The following FBXO31 variants were observed in gnomAD, a reference collection of about 807,000 sequenced individuals.
The protein encoded by FBXO31 is F-box protein 31.
Under a neutral mutation model 54.4 loss-of-function variants are expected in FBXO31, and 24 were observed. The observed-to-expected ratio is 0.44, with a 90% CI of 0.32 to 0.62. The LOEUF (loss-of-function observed/expected upper bound fraction) is 0.62. Among genes scored for constraint, FBXO31 ranks in the 20% least tolerant of loss-of-function variants. The pLI is 0.05. For missense variants in FBXO31, 665 were observed against 787.1 expected (o/e 0.84, Z 1.86); for synonymous variants, 388 against 335.6 (o/e 1.16, Z -1.71).
At chr16:87,386,358 G>C (rs761206441), upstream of FBXO31, among the ~76,000 whole-genome samples, 1 of 152,242 alleles carries the variant, frequency 6.6e-6, no homozygotes, top group Non-Finnish European at 1.5e-5. Flanking sequence ...GCCAACTCAG[G>C]CTTCAGTGAG....
At chr16:87,340,116 C>A (rs1905146110) in intron 5 of FBXO31, among the ~76,000 whole-genome samples, 2 of 152,190 alleles carry the variant, frequency 1.3e-5, no homozygotes, top group African/African-American at 4.8e-5. Flanking sequence ...AAACCTGTCT[C>A]CGCTAAAAAT....
Position 87,332,612 on chromosome 16 carries a change from GC to G in FBXO31, c.1398-1103del, listed in dbSNP as rs200053614. ...TTATCATACATGGAACATGAAGAAA[GC>G]CCCGCCCAGACATCCAAACCCCCTC... is the stretch of plus-strand genomic sequence containing the variant. On this transcript the variant is annotated intron_variant, in intron 8 of 8. Coordinates refer to ENST00000311635, the MANE Select transcript of FBXO31 (RefSeq NM_024735.5). Among the ~76,000 whole-genome samples, 506 of 144,320 alleles carry G rather than the reference GC, an allele frequency of 3.5e-3. 2 individuals are homozygous for G. Among genetic ancestry groups the G allele is most frequent in the African/African-American group, 0.012 (485 of 38,846 alleles). 94.7% of individuals were successfully genotyped at this position (144,320 alleles called of 152,430 possible).
chr16:87,342,804 T>A, intron 5 of FBXO31, 73 bp downstream of exon 5: 1 of 1,319,098 alleles, frequency 7.6e-7, no homozygotes. Context: ...CTCTCCCGCA[T>A]GGGTCTGTAC....
chr16:87,363,668 T>C (rs1276349164), intron 1 of FBXO31, among the ~76,000 whole-genome samples: 5 of 152,134 alleles, frequency 3.3e-5, no homozygotes, highest in Admixed American at 3.3e-4. Flanking sequence ...TCTTGCTACA[T>C]GGTTAAGTGC....
chr16:87,347,616 C>T (rs1028543198), intron 2 of FBXO31, among the ~76,000 whole-genome samples: 1 of 144,040 alleles, frequency 6.9e-6, no homozygotes, highest in Non-Finnish European at 1.5e-5. Context: ...GGAGGTGGAG[C>T]TTGCAGTGAG....
At chr16:87,334,313 G>A in intron 7 of FBXO31, 27 bp from the exon 8 acceptor site, 1 of 1,540,538 alleles carries the variant, frequency 6.5e-7, no homozygotes, top group Non-Finnish European at 8.8e-7. Flanking sequence ...AGTCAGCAGG[G>A]CTCAGGCCAG....
At chr16:87,343,905 G>A (rs1597363052) in intron 3 of FBXO31, 140 bp from the exon 4 acceptor site, 20 of 818,036 alleles carry the variant, frequency 2.4e-5, no homozygotes, top group East Asian at 1.1e-4. Context: ...CACCCTCGAG[G>A]TGCCTCGAAT....
At chr16:87,363,427 C>G (rs1386964956) in intron 1 of FBXO31, among the ~76,000 whole-genome samples, 1 of 152,160 alleles carries the variant, frequency 6.6e-6, no homozygotes, top group East Asian at 1.9e-4. Context: ...GGCTCATCTC[C>G]TTTGCCTCAC....
At chr16:87,374,193 G>A (rs971965115) in intron 1 of FBXO31, among the ~76,000 whole-genome samples, 2 of 151,430 alleles carry the variant, frequency 1.3e-5, no homozygotes, top group Admixed American at 6.6e-5. Context: ...CGTGAGCCAT[G>A]ATCGCGCCAC....
At chr16:87,359,409 T>G (rs1906036951) in intron 2 of FBXO31, among the ~76,000 whole-genome samples, 1 of 151,994 alleles carries the variant, frequency 6.6e-6, no homozygotes, top group Admixed American at 6.6e-5. Flanking sequence ...ATGTGTACAC[T>G]CCTATGGCTG....
chr16:87,378,170 AC>A (rs1253308448), intron 1 of FBXO31, among the ~76,000 whole-genome samples: 15 of 151,974 alleles, frequency 9.9e-5, no homozygotes, highest in African/African-American at 2.9e-4. Context: ...AAAAAAAAAA[AC>A]AAAACAAAAC....
At chr16:87,375,747 T>G (rs1480692849) in intron 1 of FBXO31, among the ~76,000 whole-genome samples, 2 of 151,826 alleles carry the variant, frequency 1.3e-5, no homozygotes, top group Non-Finnish European at 2.9e-5. Context: ...CAGGCTGGAG[T>G]GAGTTTGGTT....
chr16:87,391,630 G>GGACTGGGAGAGGA (rs1907556180), upstream of FBXO31: 1 of 152,532 alleles, frequency 6.6e-6, no homozygotes, highest in African/African-American at 2.4e-5. Context: ...CGCGGCAGGG[G>GGACTGGGAGAGGA]GACTGGGAGA....
chr16:87,334,599 C>T (rs1035516721), intron 7 of FBXO31, among the ~76,000 whole-genome samples: 2 of 152,214 alleles, frequency 1.3e-5, no homozygotes, highest in African/African-American at 2.4e-5. Flanking sequence ...AGGCAGAGCT[C>T]GGGAGCCGAG....
rs1205776439 is a variant in FBXO31 at position 87,329,870 on chromosome 16, T to C, written c.*1418A>G. On this transcript the variant is annotated 3_prime_UTR_variant, in exon 9 of 9. Coordinates refer to ENST00000311635, the MANE Select transcript of FBXO31 (RefSeq NM_024735.5). ...TGAGGCTGGGCAATGGGAATTCTTA[T>C]GTTCTTTAAAGGCCAGTCAAGGAGA... 1 of 151,978 alleles carries C rather than the reference T, an allele frequency of 6.6e-6. No individual in the cohort carries two copies. The highest frequency in any genetic ancestry group is 1.9e-4 in the East Asian group (1 of 5,188). The allele number at this position is 151,978 out of a possible 1,614,324, so 9.4% of individuals were successfully genotyped here.
In FBXO31 at chr16:87,357,236, C is replaced by T. The variant is rs527968222; in HGVS notation, c.412+3059G>A. 3.7e-4 allele frequency among the ~76,000 whole-genome samples: 56 copies of T among 151,476 alleles called. 1 individual carries two copies. The highest frequency in any genetic ancestry group is 6.8e-3 in the Middle Eastern group (2 of 292). ...CTCCAACCTGGGCAACAAGACAGAC[C>T]CTGTCTCAAAAAAAAAAAGTGGAGA... On this transcript the variant is annotated intron_variant, in intron 2 of 8. Transcript: ENST00000311635.
At chr16:87,333,590 G>A (rs1780850098) in intron 8 of FBXO31, among the ~76,000 whole-genome samples, 2 of 152,226 alleles carry the variant, frequency 1.3e-5, no homozygotes, top group African/African-American at 4.8e-5. Context: ...TGGGGGAGCG[G>A]CACTATTGCA....
In FBXO31 at chr16:87,336,134, C is replaced by CCGAG. The variant is rs1446131543; in HGVS notation, c.842+17_842+20dup. The CCGAG allele has an allele frequency of 6.2e-7, 1 of 1,604,520 alleles. No homozygotes were observed. The highest frequency in any genetic ancestry group is 8.5e-7 in the Non-Finnish European group (1 of 1,171,592). On this transcript the variant is annotated intron_variant, in intron 6 of 8. Transcript: ENST00000311635. The surrounding 1 kb of genome is among the most constrained non-coding windows in gnomAD (Gnocchi z 6.5). ...ACACCAGGAGAGGGCTACCCCAGCA[C>CCGAG]CGAGCAGGAGCCGCACTCACTCGTA...
intron 1 of FBXO31, among the ~76,000 whole-genome samples, chr16:87,365,219 G>T (rs927568743): frequency 4.6e-5 from 7 of 150,990 alleles, no homozygotes; most frequent in Non-Finnish European, 8.9e-5. Context: ...GACTTCTGCT[G>T]CAGGCAGAGG....
Sources: allele counts gnomAD v4.1 joint callset (sites outside exome capture counted in the v4.1 genomes callset), GRCh38; gene constraint gnomAD v4.1.1; non-coding constraint Gnocchi (gnomAD v3.1); transcripts MANE v1.5; gene names NCBI Gene and HGNC (gene_info 2026-07-23, HGNC 2026-07-21).